The following PCBP4 variants were observed in gnomAD, a reference collection of about 807,000 sequenced individuals.
PCBP4 encodes poly(rC)-binding protein 4.
A neutral mutation model predicts 46.2 loss-of-function variants in PCBP4; 24 were observed. That is an observed-to-expected ratio of 0.52 (90% confidence interval 0.38 to 0.73). The LOEUF (loss-of-function observed/expected upper bound fraction) is 0.73, where lower values mean the gene tolerates loss of function less well. Ranked by LOEUF, PCBP4 falls within the 30% of genes least tolerant of loss-of-function variation. PCBP4 has a pLI of 0.00. For synonymous variants in PCBP4, 203 were observed against 224.4 expected (o/e 0.90, Z 0.85); for missense variants, 407 against 537.0 (o/e 0.76, Z 2.39).
Position 51,958,173 on chromosome 3 carries a change from G to A in PCBP4, c.1100C>T (p.Ala367Val). 6.2e-7 allele frequency: 1 copy of A among 1,613,480 alleles called. No homozygotes were observed. Among genetic ancestry groups the A allele is most frequent in the Non-Finnish European group, 8.5e-7 (1 of 1,179,692 alleles). Residue 367 changes from alanine to valine, a missense_variant, in exon 14 of 14, where the codon GCT becomes GTT. Physicochemically the swap from Ala to Val is moderately conservative, Grantham distance 64 (BLOSUM62 0). Transcript: ENST00000461554. The surrounding 1 kb of genome is among the most constrained non-coding windows in gnomAD (Gnocchi z 5.4). ...FIGLKPMPFL[A>V]LPPASPGPPP... ...CGGCCCTGGGGAAGCAGGTGGTAAA[G>A]CCAAGAAGGGCATGGGCTTGAGGCC...
chr3:51,958,008 A>C lies in PCBP4; in HGVS notation c.*53T>G. The C allele has an allele frequency of 6.8e-7, 1 of 1,476,222 alleles. No individual in the cohort carries two copies. Among genetic ancestry groups the C allele is most frequent in the East Asian group, 2.4e-5 (1 of 42,206 alleles). 91.4% of individuals were successfully genotyped at this position (1,476,222 alleles called of 1,614,324 possible). On this transcript the variant is annotated 3_prime_UTR_variant, in exon 14 of 14. Coordinates refer to ENST00000461554, the MANE Select transcript of PCBP4 (RefSeq NM_001174100.2). This position sits in a 1 kb window ranked among gnomAD's most constrained non-coding sequence, Gnocchi z 5.4. ...GTCTCCTTGGGCGGGTAGGGTGCAG[A>C]GGCAGCCCCCTGCTGGTGGTCCTGC...
At position 51,957,832 on chromosome 3, in the gene PCBP4, G is replaced by A; in HGVS notation, c.*229C>T. 2.4e-6 allele frequency: 1 copy of A among 412,908 alleles called. No homozygotes were observed. The highest frequency in any genetic ancestry group is 4.3e-6 in the Non-Finnish European group (1 of 231,106). The allele number at this position is 412,908 out of a possible 1,614,324, so 25.6% of individuals were successfully genotyped here. On this transcript the variant is annotated 3_prime_UTR_variant, in exon 14 of 14. Transcript: ENST00000461554. ...TGTATCCAAGCACAGAGCTGAGGAG[G>A]TAGGGCCCCCTGCCCTGGGGCTGCC...
chr3:51,960,738 G>T lies in PCBP4; in HGVS notation c.139-96C>A. ...CCCCACTCACCAGGCCTGAGGCAAG[G>T]CTCAAAACTGCCACCCTCTGGGGGA... is the stretch of plus-strand genomic sequence containing the variant. On this transcript the variant is annotated intron_variant, in intron 5 of 13. Coordinates refer to ENST00000461554, the MANE Select transcript of PCBP4 (RefSeq NM_001174100.2). This position sits in a 1 kb window ranked among gnomAD's most constrained non-coding sequence, Gnocchi z 5.0. 1 of 1,452,406 alleles carries T rather than the reference G, an allele frequency of 6.9e-7. No homozygotes were observed. Among genetic ancestry groups the T allele is most frequent in the Non-Finnish European group, 9.7e-7 (1 of 1,033,068 alleles). 90.0% of individuals were successfully genotyped at this position (1,452,406 alleles called of 1,614,324 possible). A position where few individuals can be genotyped will look rare whatever the true frequency, so the allele number is the denominator to read the frequency against.
chr3:51,959,930 GGAT>G lies in PCBP4; in HGVS notation c.478_480del (p.Ile160del). 6.2e-7 allele frequency: 1 copy of G among 1,607,976 alleles called. No homozygotes were observed. Among genetic ancestry groups the G allele is most frequent in the Non-Finnish European group, 8.5e-7 (1 of 1,176,142 alleles). On this transcript the variant is annotated inframe_deletion, in exon 8 of 14. Transcript: ENST00000461554. The surrounding 1 kb of genome is among the most constrained non-coding windows in gnomAD (Gnocchi z 5.6). ...ACAGCGCAGATCTGGCGCACACACA[GGAT>G]GATGGCATCAGGCACCCCAGATACC...
In PCBP4 at chr3:51,960,920, T is replaced by C. The variant is rs769328936; in HGVS notation, c.106-22A>G. The C allele has an allele frequency of 1.1e-5, 18 of 1,614,056 alleles. No homozygotes were observed. Among genetic ancestry groups the C allele is most frequent in the Admixed American group, 1.7e-5 (1 of 60,012 alleles). On this transcript the variant is annotated intron_variant, in intron 4 of 13. Coordinates refer to ENST00000461554, the MANE Select transcript of PCBP4 (RefSeq NM_001174100.2). The surrounding 1 kb of genome is among the most constrained non-coding windows in gnomAD (Gnocchi z 5.0). ...CCTTCTGTGGGAGGTACAAAACAGA[T>C]AATCACTCTTAACTTAGAGGTCACA...
intron 1 of PCBP4, among the ~76,000 whole-genome samples, chr3:51,967,121 G>GA (rs984443179): frequency 2.6e-5 from 4 of 152,088 alleles, no homozygotes; most frequent in Non-Finnish European, 5.9e-5. Context: ...TAAGGTCCAG[G>GA]AAGCCCCTCC....
In PCBP4 at chr3:51,959,373, TG is replaced by T. The variant is rs763879390; in HGVS notation, c.629del (p.Pro210GlnfsTer43). ...TGGGCTATGGGTCACTCACCTCAGC[TG>T]GGGTCACAGCCCCATACTGACCCTG... ...SVQGQYGAVT[P>X]AEVTKLQQLS... On this transcript the variant is annotated frameshift_variant, in exon 10 of 14. Transcript: ENST00000461554. LOFTEE classifies it high-confidence loss of function. This position sits in a 1 kb window ranked among gnomAD's most constrained non-coding sequence, Gnocchi z 5.6. 4.3e-6 allele frequency: 7 copies of T among 1,612,948 alleles called. No homozygotes were observed.
intron 1 of PCBP4, among the ~76,000 whole-genome samples, chr3:51,963,788 G>C (rs974326909): frequency 1.3e-5 from 2 of 152,136 alleles, no homozygotes; most frequent in Admixed American, 1.3e-4. Flanking sequence ...CGCCCTTCCT[G>C]GTCTGAGAGA....
rs1699900793 is a variant in PCBP4 at position 51,957,972 on chromosome 3, C to G, written c.*89G>C. On this transcript the variant is annotated 3_prime_UTR_variant, in exon 14 of 14. Coordinates refer to ENST00000461554, the MANE Select transcript of PCBP4 (RefSeq NM_001174100.2). Reference sequence around the variant, plus strand: ...TCTGGGCGTTAGCGGCGTTTGGGACCCCAGGGTGGAGTCTCCTTGGGCGGG... The same window carrying G: ...TCTGGGCGTTAGCGGCGTTTGGGACGCCAGGGTGGAGTCTCCTTGGGCGGG... The G allele has an allele frequency of 1.0e-5, 13 of 1,292,200 alleles. No homozygotes were observed. The highest frequency in any genetic ancestry group is 1.4e-5 in the Non-Finnish European group (13 of 945,990). 80.0% of individuals were successfully genotyped at this position (1,292,200 alleles called of 1,614,324 possible).
chr3:51,959,788 A>AGCCCT lies in PCBP4; in HGVS notation c.516+102_516+106dup, dbSNP rs1353733577. ...CCTGGAGCTCATCATCCATCCCTGCAGCCCTGCCCTGCCCCACCTGCAGCA... is the reference window on the plus strand; with the variant it reads ...CCTGGAGCTCATCATCCATCCCTGCAGCCCTGCCCTGCCCTGCCCCACCTGCAGCA... On this transcript the variant is annotated intron_variant, in intron 8 of 13. Transcript: ENST00000461554. This position sits in a 1 kb window ranked among gnomAD's most constrained non-coding sequence, Gnocchi z 5.6. 3 of 1,510,948 alleles carry AGCCCT rather than the reference A, an allele frequency of 2.0e-6. No homozygotes were observed. Among genetic ancestry groups the AGCCCT allele is most frequent in the Non-Finnish European group, 2.7e-6 (3 of 1,114,722 alleles). 93.6% of individuals were successfully genotyped at this position (1,510,948 alleles called of 1,614,324 possible).
At chr3:51,961,410 A>G (rs968381914) in intron 2 of PCBP4, 106 bp from the exon 3 acceptor site, 11 of 1,272,346 alleles carry the variant, frequency 8.6e-6, no homozygotes, top group Non-Finnish European at 1.2e-5. Flanking sequence ...CAGAGGAAAG[A>G]GACTGCATGG....
At position 51,961,187 on chromosome 3, in the gene PCBP4, G is replaced by C. The variant is rs201354401; in HGVS notation, c.54C>G (p.Leu18=). Residue 18 remains leucine, a synonymous_variant, in exon 3 of 14, where the codon CTC becomes CTG. Transcript: ENST00000461554. ...LEEEPELSIT[L]TLRMLMHGKE... The stretch of plus-strand genomic sequence containing the variant: ...TCCCGTGCATCAGCATCCGCAGCGT[G>C]AGGGTGATGCTGAGCTCTGGCTCCT... The C allele has an allele frequency of 9.6e-5, 155 of 1,613,470 alleles. No homozygotes were observed. The highest frequency in any genetic ancestry group is 1.2e-4 in the Non-Finnish European group (139 of 1,180,034).
In PCBP4 at chr3:51,958,856, T is replaced by C. The variant is rs756788097; in HGVS notation, c.857A>G (p.Glu286Gly). The C allele has an allele frequency of 6.8e-6, 11 of 1,613,758 alleles. No individual in the cohort carries two copies. In the Admixed American group the frequency reaches 1.8e-4, roughly 27 times the overall value. ...KIGNQAEGAG[E>G]RHVTITGSPV... is the part of the protein sequence containing the mutation. Reference sequence around the variant, plus strand: ...AGAGCCAGTGATGGTGACATGCCGCTCCCCAGCGCCCTCTGCTTGGTTCCC... The same window carrying C: ...AGAGCCAGTGATGGTGACATGCCGCCCCCCAGCGCCCTCTGCTTGGTTCCC... The change falls in exon 13 of 14, where the codon GAG becomes GGG. Residue 286 changes from glutamate (E) to glycine (G), a missense_variant. Coordinates refer to ENST00000461554, the MANE Select transcript of PCBP4 (RefSeq NM_001174100.2). The surrounding 1 kb of genome is among the most constrained non-coding windows in gnomAD (Gnocchi z 5.4).
intron 2 of PCBP4, chr3:51,961,675 T>C: frequency 1.2e-6 from 1 of 831,352 alleles, no homozygotes; most frequent in Non-Finnish European, 1.5e-6. Context: ...GAGGAGAGCC[T>C]CCTCCCTGAC....
At position 51,959,715 on chromosome 3, in the gene PCBP4, C is replaced by T; in HGVS notation, c.517-64G>A. 6.7e-7 allele frequency: 1 copy of T among 1,486,620 alleles called. No individual in the cohort carries two copies. Among genetic ancestry groups the T allele is most frequent in the Non-Finnish European group, 9.2e-7 (1 of 1,091,050 alleles). The allele number at this position is 1,486,620 out of a possible 1,614,324, so 92.1% of individuals were successfully genotyped here. ...GGCTCCGATAACCTCCCCAGCTGCC[C>T]AGTGGCCTCAGGCCCCCACCATGAC... On this transcript the variant is annotated intron_variant, in intron 8 of 13. Transcript: ENST00000461554. The surrounding 1 kb of genome is among the most constrained non-coding windows in gnomAD (Gnocchi z 5.6).
chr3:51,958,390 G>C lies in PCBP4; in HGVS notation c.924-41C>G. 2.9e-6 allele frequency: 4 copies of C among 1,384,836 alleles called. No homozygotes were observed. The highest frequency in any genetic ancestry group is 3.8e-6 in the Non-Finnish European group (4 of 1,048,498). The allele number at this position is 1,384,836 out of a possible 1,614,324, so 85.8% of individuals were successfully genotyped here. ...TAGAGGGGAGACAAAGGGGAAAGTGGGAGTGAGAGAGGGGCAATGAGGGCA... is the reference window on the plus strand; with the variant it reads ...TAGAGGGGAGACAAAGGGGAAAGTGCGAGTGAGAGAGGGGCAATGAGGGCA... On this transcript the variant is annotated intron_variant, in intron 13 of 13. Transcript: ENST00000461554. This position sits in a 1 kb window ranked among gnomAD's most constrained non-coding sequence, Gnocchi z 5.4.
chr3:51,959,855 C>T lies in PCBP4; in HGVS notation c.516+40G>A. 1 of 1,559,532 alleles carries T rather than the reference C, an allele frequency of 6.4e-7. No homozygotes were observed. Among genetic ancestry groups the T allele is most frequent in the African/African-American group, 1.4e-5 (1 of 73,626 alleles). ...GGTCCCCGACAAGGCAGACCCAGGG[C>T]CCATCTCCTGCCCCCTCTCTCCCTG... On this transcript the variant is annotated intron_variant, in intron 8 of 13. Coordinates refer to ENST00000461554, the MANE Select transcript of PCBP4 (RefSeq NM_001174100.2). The surrounding 1 kb of genome is among the most constrained non-coding windows in gnomAD (Gnocchi z 5.6).
In PCBP4 at chr3:51,959,920, C is replaced by T. The variant is rs773895620; in HGVS notation, c.491G>A (p.Arg164His). The T allele has an allele frequency of 7.5e-6, 12 of 1,601,834 alleles. No individual in the cohort carries two copies. The highest frequency in any genetic ancestry group is 2.2e-5 in the South Asian group (2 of 89,170). ...CTCCAGGATAACAGCGCAGATCTGG[C>T]GCACACACAGGATGATGGCATCAGG... ...GVPDAIILCV[R>H]QICAVILESP... The change falls in exon 8 of 14, where the codon CGC becomes CAC. Residue 164 changes from arginine to histidine, a missense_variant. Coordinates refer to ENST00000461554, the MANE Select transcript of PCBP4 (RefSeq NM_001174100.2). The surrounding 1 kb of genome is among the most constrained non-coding windows in gnomAD (Gnocchi z 5.6).
chr3:51,958,044 C>T lies in PCBP4; in HGVS notation c.*17G>A. On this transcript the variant is annotated 3_prime_UTR_variant, in exon 14 of 14. Coordinates refer to ENST00000461554, the MANE Select transcript of PCBP4 (RefSeq NM_001174100.2). The surrounding 1 kb of genome is among the most constrained non-coding windows in gnomAD (Gnocchi z 5.4). ...TGCTGGTGGTCCTGCCTGCCCCTGC[C>T]TGTACCTCAGCTGGCCTCAGTAGGG... The T allele has an allele frequency of 6.5e-7, 1 of 1,527,648 alleles. No individual in the cohort carries two copies. The highest frequency in any genetic ancestry group is 8.8e-7 in the Non-Finnish European group (1 of 1,139,124). 94.6% of individuals were successfully genotyped at this position (1,527,648 alleles called of 1,614,324 possible).
Sources: gnomAD v4.1 joint callset for allele counts (sites outside exome capture counted in the v4.1 genomes callset) on GRCh38, gnomAD v4.1.1 for gene constraint, Gnocchi (gnomAD v3.1) non-coding constraint, MANE v1.5 for transcripts, NCBI Gene and HGNC (gene_info 2026-07-23, HGNC 2026-07-21) for gene names.